Variants in MKRN2 observed in about 807,000 individuals in gnomAD.
MKRN2 encodes the protein E3 ubiquitin-protein ligase makorin-2.
In MKRN2, 32 loss-of-function variants were observed where a neutral mutation model predicts 45.4. The ratio of observed to expected loss-of-function variants is 0.70; its 90% CI spans 0.53 to 0.95. The LOEUF is 0.95. Ranked by LOEUF, MKRN2 falls within the 40% of genes least tolerant of loss-of-function variation. The probability of loss-of-function intolerance (pLI) is 0.00; values close to 1 mark genes in which losing one functional copy is unlikely to be tolerated. For synonymous variants in MKRN2, 206 were observed against 192.4 expected (o/e 1.07, Z -0.59); for missense variants, 526 against 536.7 (o/e 0.98, Z 0.20).
At chr3:12,566,176 C>T (rs2058068182) in intron 1 of MKRN2, among the ~76,000 whole-genome samples, 1 of 152,146 alleles carries the variant, frequency 6.6e-6, no homozygotes, top group Non-Finnish European at 1.5e-5. Flanking sequence ...TTTAAAGAAT[C>T]CCTGCAGCCT....
rs2125311458 is a variant in MKRN2 at position 12,583,578 on chromosome 3, T to TAAAAGGAGGTAACA, written c.*1326_*1339dup. ...TCAAGTTGTGAGCTCAGAATTACTT[T>TAAAAGGAGGTAACA]AAAAGGAGGTAACAGCCAGCCATTA... On this transcript the variant is annotated 3_prime_UTR_variant, in exon 8 of 8. Transcript: ENST00000170447. The TAAAAGGAGGTAACA allele has an allele frequency of 4.4e-6, 1 of 225,668 alleles. No homozygotes were observed. The highest frequency in any genetic ancestry group is 1.8e-4 in the South Asian group (1 of 5,470). 14.0% of individuals were successfully genotyped at this position (225,668 alleles called of 1,614,324 possible).
rs535135525 is a variant in MKRN2, at chr3:12,580,292, T to C, written c.969-1516T>C. Among the ~76,000 whole-genome samples, 58 of 152,352 alleles carry C rather than the reference T, an allele frequency of 3.8e-4. No individual in the cohort carries two copies. The South Asian group carries it at 0.012, about 31-fold the overall frequency. ...TGCTCTGGAGTTGTCCAGCAGGCTC[T>C]GGTGAGAGCAAACTGCTCACGGTCA... On this transcript the variant is annotated intron_variant, in intron 6 of 7. Transcript: ENST00000170447.
chr3:12,570,820 T>C (rs1221553233), intron 3 of MKRN2, among the ~76,000 whole-genome samples: 3 of 150,314 alleles, frequency 2.0e-5, no homozygotes, highest in South Asian at 2.1e-4. Context: ...GAGGCAAAGA[T>C]TGTAGTGAGC....
chr3:12,582,005 C>G, intron 7 of MKRN2, 53 bp downstream of exon 7: 16 of 1,609,336 alleles, frequency 9.9e-6, no homozygotes, highest in Non-Finnish European at 1.4e-5. Flanking sequence ...GTGGGCATTT[C>G]CAGGTACCGT....
chr3:12,573,880 G>C (rs1020872527), intron 4 of MKRN2, among the ~76,000 whole-genome samples: 1 of 151,178 alleles, frequency 6.6e-6, no homozygotes, highest in Non-Finnish European at 1.5e-5. Context: ...ACGACAGAGA[G>C]AGACTCTGTC....
At chr3:12,573,754 G>A (rs913660256) in intron 4 of MKRN2, among the ~76,000 whole-genome samples, 2 of 152,024 alleles carry the variant, frequency 1.3e-5, no homozygotes, top group Admixed American at 6.5e-5. Context: ...TTAACTGGGT[G>A]TGGTGGCGGG....
intron 3 of MKRN2, 26 bp downstream of exon 3, chr3:12,570,278 C>A (rs774030356): frequency 1.3e-6 from 2 of 1,599,792 alleles, no homozygotes; most frequent in Non-Finnish European, 1.7e-6. Context: ...CCTTTTGTTG[C>A]GTCTTTTTGC....
intron 3 of MKRN2, among the ~76,000 whole-genome samples, chr3:12,571,132 T>G (rs1319877120): frequency 6.6e-6 from 1 of 151,856 alleles, no homozygotes; most frequent in Admixed American, 6.6e-5. Context: ...GTTTTGTTTT[T>G]GTTTTTTTTT....
chr3:12,578,213 T>A (rs1014345478), intron 6 of MKRN2, among the ~76,000 whole-genome samples: 2 of 152,142 alleles, frequency 1.3e-5, no homozygotes, highest in African/African-American at 2.4e-5. Context: ...TGAACTCTTG[T>A]CTTTTAGTTC....
chr3:12,573,162 G>A (rs188416754), intron 4 of MKRN2, among the ~76,000 whole-genome samples: 1 of 152,104 alleles, frequency 6.6e-6, no homozygotes, highest in African/African-American at 2.4e-5. Context: ...ATTAATGTCT[G>A]CAGTGTTTTG....
intron 3 of MKRN2, among the ~76,000 whole-genome samples, chr3:12,571,118 GTTTGTTTTGTT>G (rs1263842139): frequency 2.0e-5 from 3 of 151,036 alleles, no homozygotes; most frequent in Non-Finnish European, 4.4e-5. Context: ...TGTGTTTTTT[GTTTGTTTTGTT>G]TTTGTTTTTT....
intron 3 of MKRN2, among the ~76,000 whole-genome samples, chr3:12,570,453 C>T (rs1474950252): frequency 6.6e-6 from 1 of 152,052 alleles, no homozygotes; most frequent in Non-Finnish European, 1.5e-5. Context: ...GCCCTCGTGC[C>T]CAAGGCTGGG....
chr3:12,557,263 G>C (rs966301005), intron 1 of MKRN2, 87 bp downstream of exon 1: 2 of 1,486,908 alleles, frequency 1.3e-6, no homozygotes, highest in African/African-American at 1.4e-5. Flanking sequence ...CCGGGAACCT[G>C]AGGCTAGAGC....
intron 1 of MKRN2, among the ~76,000 whole-genome samples, chr3:12,562,900 T>C (rs2058047840): frequency 6.6e-6 from 1 of 151,928 alleles, no homozygotes; most frequent in African/African-American, 2.4e-5. Context: ...CTATGGTGAG[T>C]TGTATACTTA....
chr3:12,557,256 G>T, intron 1 of MKRN2, 80 bp downstream of exon 1: 1 of 1,495,746 alleles, frequency 6.7e-7, no homozygotes. Context: ...CTGTGGTCCG[G>T]GAACCTGAGG....
At chr3:12,579,289 C>G (rs1559392452) in intron 6 of MKRN2, among the ~76,000 whole-genome samples, 2 of 152,090 alleles carry the variant, frequency 1.3e-5, no homozygotes, top group South Asian at 2.1e-4. Flanking sequence ...CTCAGCCTCC[C>G]GAGTAGCTGG....
At chr3:12,573,911 T>C (rs1300582073) in intron 4 of MKRN2, among the ~76,000 whole-genome samples, 1 of 151,872 alleles carries the variant, frequency 6.6e-6, no homozygotes, top group Non-Finnish European at 1.5e-5. Context: ...AAAAAAATTA[T>C]TTTATTTTTC....
intron 6 of MKRN2, among the ~76,000 whole-genome samples, chr3:12,577,769 G>C (rs900813463): frequency 2.0e-5 from 3 of 151,714 alleles, no homozygotes; most frequent in African/African-American, 7.3e-5. Context: ...TCTGCCTCTC[G>C]GGTTCAAGCG....
intron 6 of MKRN2, among the ~76,000 whole-genome samples, chr3:12,579,822 C>T (rs1316887546): frequency 1.3e-5 from 2 of 152,068 alleles, no homozygotes; most frequent in African/African-American, 4.8e-5. Flanking sequence ...AGGTTGGGGC[C>T]AGGCGCAGTG....
Sources: gnomAD v4.1 joint callset for allele counts (sites outside exome capture counted in the v4.1 genomes callset) on GRCh38, gnomAD v4.1.1 for gene constraint, MANE v1.5 for transcripts, NCBI Gene and HGNC (gene_info 2026-07-23, HGNC 2026-07-21) for gene names.